The following SGCZ variants were observed in gnomAD, a reference collection of about 807,000 sequenced individuals.
SGCZ encodes the protein zeta-sarcoglycan.
In SGCZ, 40 loss-of-function variants were observed where a neutral mutation model predicts 41.3. That is an observed-to-expected ratio of 0.97 (90% CI 0.75 to 1.26). The LOEUF (loss-of-function observed/expected upper bound fraction) is 1.26. SGCZ is among the 50% of genes most tolerant of loss of function. The probability of loss-of-function intolerance (pLI) is 0.00; values close to 1 mark genes in which losing one functional copy is unlikely to be tolerated. For missense variants in SGCZ, 552 were observed against 369.8 expected (o/e 1.49, Z -4.04); for synonymous variants, 206 against 137.5 (o/e 1.50, Z -3.49).
intron 5 of SGCZ, among the ~76,000 whole-genome samples, chr8:14,149,348 A>T (rs1368479915): frequency 6.6e-6 from 1 of 152,170 alleles, no homozygotes; most frequent in Non-Finnish European, 1.5e-5. Context: ...CACAAAATCA[A>T]CATACGAAAT....
chr8:14,570,881 G>A (rs1804530152), intron 1 of SGCZ, among the ~76,000 whole-genome samples: 3 of 152,204 alleles, frequency 2.0e-5, no homozygotes, highest in African/African-American at 7.2e-5. Context: ...TATCTGAAAT[G>A]ACTAGAAGCG....
At chr8:14,712,257 G>A (rs554243425) in intron 1 of SGCZ, among the ~76,000 whole-genome samples, 1 of 152,128 alleles carries the variant, frequency 6.6e-6, no homozygotes, top group African/African-American at 2.4e-5. Context: ...CCCTCCTTCA[G>A]CTCCGTCCTG....
chr8:14,917,634 T>C (rs1375592497), intron 1 of SGCZ, among the ~76,000 whole-genome samples: 1 of 152,146 alleles, frequency 6.6e-6, no homozygotes, highest in Non-Finnish European at 1.5e-5. Context: ...CCAACTCTGA[T>C]CTATGTTAAT....
intron 1 of SGCZ, among the ~76,000 whole-genome samples, chr8:14,966,657 C>G (rs1293237768): frequency 6.6e-6 from 1 of 151,992 alleles, no homozygotes; most frequent in Non-Finnish European, 1.5e-5. Flanking sequence ...TGTAAAAGCA[C>G]CAGATTAACA....
chr8:14,916,584 T>A (rs1799444652), intron 1 of SGCZ, among the ~76,000 whole-genome samples: 1 of 152,230 alleles, frequency 6.6e-6, no homozygotes, highest in Non-Finnish European at 1.5e-5. Flanking sequence ...AAGCTCCATA[T>A]AAGTTAACAA....
intron 2 of SGCZ, among the ~76,000 whole-genome samples, chr8:14,490,634 C>A (rs1280678233): frequency 6.6e-6 from 1 of 152,136 alleles, no homozygotes; most frequent in African/African-American, 2.4e-5. Context: ...ATCATCCAAC[C>A]AATCATTTAT....
intron 1 of SGCZ, among the ~76,000 whole-genome samples, chr8:14,946,235 A>C (rs1251645501): frequency 6.6e-6 from 1 of 150,550 alleles, no homozygotes; most frequent in East Asian, 2.0e-4. Context: ...AGTTCCTCAC[A>C]GTGGTCAATA....
intron 1 of SGCZ, among the ~76,000 whole-genome samples, chr8:14,922,261 G>C (rs1395472886): frequency 1.3e-5 from 2 of 151,894 alleles, no homozygotes; most frequent in Non-Finnish European, 2.9e-5. Context: ...CTTATTCTTG[G>C]GCTAACCATG....
At chr8:14,276,967 C>A (rs571570212) in intron 3 of SGCZ, among the ~76,000 whole-genome samples, 18 of 152,284 alleles carry the variant, frequency 1.2e-4, no homozygotes, top group African/African-American at 3.1e-4. Context: ...TGTAACGGGG[C>A]CTTTTGGCCC....
At chr8:14,514,816 T>TACACAC (rs1491563787) in intron 2 of SGCZ, among the ~76,000 whole-genome samples, 724 of 34,780 alleles carry the variant, frequency 0.021, 6 homozygotes, top group Middle Eastern at 0.068. Context: ...TGTGTGTGTA[T>TACACAC]ATATACACGC....
At chr8:14,643,219 C>T (rs2117434498) in intron 1 of SGCZ, among the ~76,000 whole-genome samples, 2 of 151,708 alleles carry the variant, frequency 1.3e-5, no homozygotes, top group African/African-American at 4.8e-5. Context: ...AGGAAGTCAA[C>T]TCCACCTTTG....
intron 5 of SGCZ, among the ~76,000 whole-genome samples, chr8:14,147,027 CAGTGTTA>C: frequency 6.6e-6 from 1 of 151,114 alleles, no homozygotes; most frequent in Non-Finnish European, 1.5e-5. Context: ...TTCTTCGTAT[CAGTGTTA>C]AGTTCTTATC....
At chr8:14,624,122 G>C (rs1806371650) in intron 1 of SGCZ, among the ~76,000 whole-genome samples, 1 of 152,154 alleles carries the variant, frequency 6.6e-6, no homozygotes, top group South Asian at 2.1e-4. Flanking sequence ...GTCCTTAAAA[G>C]ATTCAACAAG....
chr8:14,906,967 G>C (rs2025075886), intron 1 of SGCZ, among the ~76,000 whole-genome samples: 1 of 152,142 alleles, frequency 6.6e-6, no homozygotes, highest in Non-Finnish European at 1.5e-5. Context: ...GCCACTGTCA[G>C]AGAATTTATA....
At chr8:14,705,854 T>C (rs1809315802) in intron 1 of SGCZ, among the ~76,000 whole-genome samples, 1 of 152,086 alleles carries the variant, frequency 6.6e-6, no homozygotes, top group South Asian at 2.1e-4. Flanking sequence ...TAATCCATTG[T>C]AACTTTCTGA....
intron 2 of SGCZ, among the ~76,000 whole-genome samples, chr8:14,423,615 C>T (rs1283907426): frequency 1.3e-5 from 2 of 152,054 alleles, no homozygotes; most frequent in African/African-American, 2.4e-5. Context: ...AGGGTTTCTC[C>T]GTTGATCAGG....
intron 5 of SGCZ, among the ~76,000 whole-genome samples, chr8:14,139,283 A>G (rs1186568591): frequency 2.6e-5 from 4 of 152,222 alleles, no homozygotes; most frequent in Non-Finnish European, 5.9e-5. Flanking sequence ...AATTAAAAGA[A>G]CTAGAGAAGC....
rs1806432081 is a variant in SGCZ, at chr8:15,097,870, ATATATATATATAC to A, written c.39+139702_39+139714del. ...TATATATATATACGTGTGTGTGTAT[ATATATATATATAC>A]GTGTGTATATATATATATATATATA... is the stretch of plus-strand genomic sequence containing the variant. On this transcript the variant is annotated intron_variant, in intron 1 of 7. Transcript: ENST00000382080. Among the ~76,000 whole-genome samples, 10 of 23,752 alleles carry A rather than the reference ATATATATATATAC, an allele frequency of 4.2e-4. 1 individual carries two copies. Among genetic ancestry groups the A allele is most frequent in the Non-Finnish European group, 5.2e-4 (5 of 9,616 alleles). The allele number at this position is 23,752 out of a possible 152,430, so 15.6% of individuals were successfully genotyped here.
chr8:14,569,727 C>A (rs1213722814), intron 1 of SGCZ, among the ~76,000 whole-genome samples: 2 of 152,144 alleles, frequency 1.3e-5, no homozygotes, highest in Non-Finnish European at 2.9e-5. Flanking sequence ...ATAGGGCAGC[C>A]TGTCGAGGCC....
Sources: gnomAD v4.1 joint callset for allele counts (sites outside exome capture counted in the v4.1 genomes callset) on GRCh38, gnomAD v4.1.1 for gene constraint, MANE v1.5 for transcripts, NCBI Gene and HGNC (gene_info 2026-07-23, HGNC 2026-07-21) for gene names.